SLC25A42: variants seen among roughly 807,000 people sequenced by gnomAD.
SLC25A42 encodes the protein solute carrier family 25 member 42.
SLC25A42 carries 19 observed loss-of-function variants against 34.7 expected under a neutral mutation model. The observed-to-expected ratio is 0.55, with a 90% CI of 0.38 to 0.80. The LOEUF (loss-of-function observed/expected upper bound fraction) is 0.80, where lower values mean the gene tolerates loss of function less well. SLC25A42 is among the 30% of genes least tolerant of loss of function. SLC25A42 has a pLI of 0.00. For missense variants in SLC25A42, 364 were observed against 441.3 expected, an observed-to-expected ratio of 0.82 and a Z score of 1.57; for synonymous variants, 205 against 191.2, an observed-to-expected ratio of 1.07 and a Z score of -0.59.
intron 1 of SLC25A42, among the ~76,000 whole-genome samples, chr19:19,071,499 G>A (rs1638751668): frequency 6.6e-6 from 1 of 152,156 alleles, no homozygotes; most frequent in Non-Finnish European, 1.5e-5. Flanking sequence ...GGGGGCCAGG[G>A]AGATTTTCAG....
chr19:19,101,907 G>C lies in SLC25A42; in HGVS notation c.187+21G>C, dbSNP rs778650745. ...CCAAGGTAAGTGTTGGCCATCCCCA[G>C]GTGCTAGAGAAGCTGCCAGGCGGTC... On this transcript the variant is annotated intron_variant, in intron 3 of 7. Coordinates refer to ENST00000318596, the MANE Select transcript of SLC25A42 (RefSeq NM_178526.5). 3 of 1,591,682 alleles carry C rather than the reference G, an allele frequency of 1.9e-6. No homozygotes were observed. In the African/African-American group the frequency reaches 4.0e-5, roughly 21 times the overall value.
chr19:19,072,087 G>A (rs141382890), intron 1 of SLC25A42, among the ~76,000 whole-genome samples: 4 of 151,982 alleles, frequency 2.6e-5, no homozygotes, highest in Non-Finnish European at 4.4e-5. Context: ...TCCTGGGCTC[G>A]AGCTGTCCTC....
At chr19:19,107,613 A>G (rs982470232) in intron 6 of SLC25A42, among the ~76,000 whole-genome samples, 1 of 152,222 alleles carries the variant, frequency 6.6e-6, no homozygotes, top group East Asian at 1.9e-4. Context: ...CCTGGGCAAC[A>G]GAGGGAGACT....
chr19:19,085,797 G>C (rs1448217186), intron 1 of SLC25A42, among the ~76,000 whole-genome samples: 1 of 152,140 alleles, frequency 6.6e-6, no homozygotes, highest in Non-Finnish European at 1.5e-5. Flanking sequence ...GACACCCTGA[G>C]GGGAGGGGAG....
rs1185328130 is a variant in SLC25A42, at chr19:19,101,810, G to T, written c.111G>T (p.Leu37=). ...KRDHRQVLSS[L]LSGALAGALA... ...ACCACAGGCAAGTGCTCAGCTCCCT[G>T]CTGTCTGGGGCCCTGGCTGGTGCCC... Residue 37 remains leucine (L), a synonymous_variant, in exon 3 of 8, where the codon CTG becomes CTT. Coordinates refer to ENST00000318596, the MANE Select transcript of SLC25A42 (RefSeq NM_178526.5). 1 of 1,613,708 alleles carries T rather than the reference G, an allele frequency of 6.2e-7. No individual in the cohort carries two copies. Among genetic ancestry groups the T allele is most frequent in the Non-Finnish European group, 8.5e-7 (1 of 1,179,782 alleles).
At position 19,101,192 on chromosome 19, in the gene SLC25A42, A is replaced by T. The variant is rs542426136; in HGVS notation, c.82-589A>T. Among the ~76,000 whole-genome samples, 75 of 152,258 alleles carry T rather than the reference A, an allele frequency of 4.9e-4. 1 individual carries two copies. Among genetic ancestry groups the T allele is most frequent in the African/African-American group, 1.8e-3 (74 of 41,552 alleles). ...TGGGCAGCTCCAGAGGACTGCAGAA[A>T]GCGATGGCTCTCAGGCTGGCATGGG... is the stretch of plus-strand genomic sequence containing the variant. On this transcript the variant is annotated intron_variant, in intron 2 of 7. Coordinates refer to ENST00000318596, the MANE Select transcript of SLC25A42 (RefSeq NM_178526.5).
At chr19:19,082,733 T>G (rs1213251847) in intron 1 of SLC25A42, among the ~76,000 whole-genome samples, 5 of 151,980 alleles carry the variant, frequency 3.3e-5, no homozygotes, top group Non-Finnish European at 1.5e-5. Flanking sequence ...TGATCACACC[T>G]CGTTGCAGCC....
intron 1 of SLC25A42, 25 bp from the exon 2 acceptor site, chr19:19,096,066 T>A: frequency 6.8e-7 from 1 of 1,479,366 alleles, no homozygotes; most frequent in Non-Finnish European, 9.4e-7. Context: ...TCGCCGTATC[T>A]TACCACCTCC....
chr19:19,078,450 C>T (rs2059665564), intron 1 of SLC25A42, among the ~76,000 whole-genome samples: 1 of 152,158 alleles, frequency 6.6e-6, no homozygotes, highest in Non-Finnish European at 1.5e-5. Flanking sequence ...CAGGACAGAC[C>T]CCTTTCCCCC....
At chr19:19,085,484 C>G (rs1321537895) in intron 1 of SLC25A42, among the ~76,000 whole-genome samples, 1 of 152,042 alleles carries the variant, frequency 6.6e-6, no homozygotes, top group East Asian at 1.9e-4. Context: ...GAGGTTCAAG[C>G]TCTTCTCCTG....
At chr19:19,080,361 C>G (rs772402464) in intron 1 of SLC25A42, among the ~76,000 whole-genome samples, 1 of 152,124 alleles carries the variant, frequency 6.6e-6, no homozygotes, top group Non-Finnish European at 1.5e-5. Flanking sequence ...CCACCCCCTA[C>G]CCATTGGATC....
At chr19:19,105,354 TAGGG>T (rs1326609146) in intron 4 of SLC25A42, 5 of 620,102 alleles carry the variant, frequency 8.1e-6, no homozygotes, top group African/African-American at 1.9e-5. Flanking sequence ...CCAGAAAACA[TAGGG>T]AGGAAGGACG....
Position 19,106,398 on chromosome 19 carries a change from A to T in SLC25A42, c.497+13A>T, listed in dbSNP as rs1249220859. The T allele has an allele frequency of 6.2e-7, 1 of 1,601,350 alleles. No homozygotes were observed. The highest frequency in any genetic ancestry group is 8.5e-7 in the Non-Finnish European group (1 of 1,170,858). ...CCCCGAAGGAAATGTGAGTCCTTAC[A>T]TCGGTGATGCGCATCAGCCCCGGGG... is the stretch of plus-strand genomic sequence containing the variant. On this transcript the variant is annotated intron_variant, in intron 6 of 7. Coordinates refer to ENST00000318596, the MANE Select transcript of SLC25A42 (RefSeq NM_178526.5).
At chr19:19,083,355 C>T (rs2059690552) in intron 1 of SLC25A42, among the ~76,000 whole-genome samples, 1 of 152,204 alleles carries the variant, frequency 6.6e-6, no homozygotes, top group Non-Finnish European at 1.5e-5. Context: ...CTAAAAATTC[C>T]CTTTTGTCAT....
intron 1 of SLC25A42, among the ~76,000 whole-genome samples, chr19:19,079,094 C>T (rs2059669133): frequency 1.3e-5 from 2 of 150,992 alleles, no homozygotes; most frequent in African/African-American, 4.9e-5. Flanking sequence ...CTTGCTGTGT[C>T]ACCCAGGCTG....
intron 1 of SLC25A42, among the ~76,000 whole-genome samples, chr19:19,072,875 G>A (rs149115276): frequency 0.019 from 2,925 of 152,046 alleles, 88 homozygotes; most frequent in African/African-American, 0.067. Context: ...GCCTCACTCT[G>A]TCACCCAGGC....
chr19:19,105,065 C>G (rs1230577027), intron 4 of SLC25A42, 127 bp downstream of exon 4: 1 of 1,143,346 alleles, frequency 8.7e-7, no homozygotes, highest in African/African-American at 1.5e-5. Flanking sequence ...CTTCCCATTC[C>G]CAGCTCTGCC....
chr19:19,110,517 G>T, intron 7 of SLC25A42, 52 bp from the exon 8 acceptor site: 1 of 1,366,994 alleles, frequency 7.3e-7, no homozygotes, highest in Non-Finnish European at 9.4e-7. Context: ...CGGGTGCGGG[G>T]TGCGCGCCCC....
At position 19,093,944 on chromosome 19, in the gene SLC25A42, G is replaced by A. The variant is rs188421329; in HGVS notation, c.-34-2147G>A. Among the ~76,000 whole-genome samples, 379 of 152,346 alleles carry A rather than the reference G, an allele frequency of 2.5e-3. 2 individuals are homozygous for A. The highest frequency in any genetic ancestry group is 8.7e-3 in the African/African-American group (363 of 41,566). On this transcript the variant is annotated intron_variant, in intron 1 of 7. Transcript: ENST00000318596. Reference sequence around the variant, plus strand: ...GCCCGCCTCAGCCTCCCAAAGTGCTGGGATTACAGGCGTGAGCCACTGCGC... The same window carrying A: ...GCCCGCCTCAGCCTCCCAAAGTGCTAGGATTACAGGCGTGAGCCACTGCGC...
Sources: gnomAD v4.1 joint callset for allele counts (sites outside exome capture counted in the v4.1 genomes callset) on GRCh38, gnomAD v4.1.1 for gene constraint, MANE v1.5 for transcripts, NCBI Gene and HGNC (gene_info 2026-07-23, HGNC 2026-07-21) for gene names.